The following UBE2G1 variants were observed in gnomAD, a reference collection of about 807,000 sequenced individuals.
UBE2G1 encodes the protein ubiquitin conjugating enzyme E2 G1.
In UBE2G1, 5 loss-of-function variants were observed where a neutral mutation model predicts 22.7. The observed-to-expected ratio is 0.22, with a 90% confidence interval of 0.12 to 0.46. The LOEUF is 0.46. UBE2G1 is among the 20% of genes least tolerant of loss of function. UBE2G1 has a pLI of 0.99. For missense variants in UBE2G1, 88 were observed against 203.9 expected, an observed-to-expected ratio of 0.43 and a Z score of 3.46; for synonymous variants, 74 against 67.5, an observed-to-expected ratio of 1.10 and a Z score of -0.47.
chr17:4,358,929 G>GCAACAAGAGCGAAA (rs1483501967), intron 1 of UBE2G1, among the ~76,000 whole-genome samples: 1 of 151,508 alleles, frequency 6.6e-6, no homozygotes. Flanking sequence ...TTAAGCCTGG[G>GCAACAAGAGCGAAA]CAACAAGAGC....
intron 1 of UBE2G1, among the ~76,000 whole-genome samples, chr17:4,352,611 T>G (rs1184679977): frequency 1.3e-5 from 2 of 152,170 alleles, no homozygotes; most frequent in Non-Finnish European, 2.9e-5. Context: ...GTAGTAATTT[T>G]TTAAATTATA....
At chr17:4,275,303 A>T (rs1298531881) in intron 5 of UBE2G1, among the ~76,000 whole-genome samples, 2 of 152,244 alleles carry the variant, frequency 1.3e-5, no homozygotes, top group African/African-American at 2.4e-5. Context: ...CAGAAAGATA[A>T]ATGTGAAACT....
At chr17:4,278,862 A>T (rs2143675353) in intron 5 of UBE2G1, among the ~76,000 whole-genome samples, 1 of 152,352 alleles carries the variant, frequency 6.6e-6, no homozygotes, top group East Asian at 1.9e-4. Flanking sequence ...ATCAAACATG[A>T]AAACAGGATA....
chr17:4,345,463 A>T (rs970061757), intron 1 of UBE2G1, among the ~76,000 whole-genome samples: 1 of 152,198 alleles, frequency 6.6e-6, no homozygotes, highest in African/African-American at 2.4e-5. Flanking sequence ...TTCCTGGCTT[A>T]TTTCCAGTAA....
At chr17:4,336,329 G>C (rs1390952691) in intron 1 of UBE2G1, among the ~76,000 whole-genome samples, 1 of 152,012 alleles carries the variant, frequency 6.6e-6, no homozygotes. Flanking sequence ...ATCTAAAATA[G>C]AGACTTTGAG....
At chr17:4,290,513 C>A (rs1969020877) in intron 3 of UBE2G1, among the ~76,000 whole-genome samples, 1 of 152,064 alleles carries the variant, frequency 6.6e-6, no homozygotes, top group Non-Finnish European at 1.5e-5. Context: ...ACTTTGTCAC[C>A]CAGGCTGGAG....
chr17:4,284,158 C>A lies in UBE2G1; in HGVS notation c.427-1237G>T, dbSNP rs75193290. Reference sequence around the variant, plus strand: ...AGCGACAGAGCGAGACTCCGTCTCTCAAAAAAAAAAAAAAAAGAGGGCCTG... The same window carrying A: ...AGCGACAGAGCGAGACTCCGTCTCTAAAAAAAAAAAAAAAAAGAGGGCCTG... On this transcript the variant is annotated intron_variant, in intron 4 of 5. Coordinates refer to ENST00000396981, the MANE Select transcript of UBE2G1 (RefSeq NM_003342.5). Among the ~76,000 whole-genome samples the A allele has an allele frequency of 9.0e-3, 975 of 108,420 alleles. 1 individual carries two copies. The highest frequency in any genetic ancestry group is 0.015 in the African/African-American group (326 of 22,400). The allele number at this position is 108,420 out of a possible 152,430, so 71.1% of individuals were successfully genotyped here.
At chr17:4,335,184 T>C (rs1190154317) in intron 1 of UBE2G1, 3 of 152,152 alleles carry the variant, frequency 2.0e-5, no homozygotes, top group Non-Finnish European at 4.4e-5. Flanking sequence ...AAAATATTCC[T>C]GAATCTGCAG....
chr17:4,365,577 G>A (rs947724481), intron 1 of UBE2G1, among the ~76,000 whole-genome samples: 3 of 152,034 alleles, frequency 2.0e-5, no homozygotes, highest in African/African-American at 7.2e-5. Context: ...GCCCGGAGCC[G>A]GCCAGCGAGC....
chr17:4,362,863 T>C (rs921277607), intron 1 of UBE2G1, among the ~76,000 whole-genome samples: 2 of 152,064 alleles, frequency 1.3e-5, no homozygotes, highest in Non-Finnish European at 2.9e-5. Flanking sequence ...TGGCTCACAC[T>C]TGTAATTCCA....
chr17:4,364,699 C>G (rs2143842805), intron 1 of UBE2G1, among the ~76,000 whole-genome samples: 1 of 152,176 alleles, frequency 6.6e-6, no homozygotes, highest in South Asian at 2.1e-4. Flanking sequence ...CCCGCCTCAG[C>G]CTCCTGAGTA....
At chr17:4,308,763 C>T (rs1241302430) in intron 1 of UBE2G1, among the ~76,000 whole-genome samples, 2 of 152,182 alleles carry the variant, frequency 1.3e-5, no homozygotes, top group Non-Finnish European at 1.5e-5. Flanking sequence ...GTGTAATTCT[C>T]GTATACTACC....
chr17:4,293,143 C>A (rs950730049), intron 3 of UBE2G1, among the ~76,000 whole-genome samples: 1 of 152,142 alleles, frequency 6.6e-6, no homozygotes, highest in Non-Finnish European at 1.5e-5. Flanking sequence ...CAATCCCCCC[C>A]ACCTCCCCTC....
chr17:4,332,058 C>T (rs1389389317), intron 1 of UBE2G1: 4 of 152,164 alleles, frequency 2.6e-5, no homozygotes, highest in Non-Finnish European at 5.9e-5. Flanking sequence ...TCACTGAATG[C>T]ATTGTTCACT....
At chr17:4,344,138 T>C (rs1468196955) in intron 1 of UBE2G1, among the ~76,000 whole-genome samples, 4 of 152,124 alleles carry the variant, frequency 2.6e-5, no homozygotes, top group African/African-American at 4.8e-5. Flanking sequence ...AGCAAGTTCA[T>C]AGGAGGAATA....
chr17:4,366,539 GC>G lies in UBE2G1; in HGVS notation c.-224del. The stretch of plus-strand genomic sequence containing the variant: ...CGACTCACGCCCGGAAGGGGAGGGT[GC>G]CCGGGCTGCCGCGGCGCGCACTGGG... On this transcript the variant is annotated 5_prime_UTR_variant, in exon 1 of 6. Coordinates refer to ENST00000396981, the MANE Select transcript of UBE2G1 (RefSeq NM_003342.5). 2.4e-6 allele frequency: 1 copy of G among 418,600 alleles called. No homozygotes were observed. The highest frequency in any genetic ancestry group is 2.1e-5 in the African/African-American group (1 of 47,970). The allele number at this position is 418,600 out of a possible 1,614,324, so 25.9% of individuals were successfully genotyped here.
intron 1 of UBE2G1, among the ~76,000 whole-genome samples, chr17:4,352,342 G>A (rs1567530220): frequency 6.6e-6 from 1 of 152,018 alleles, no homozygotes; most frequent in Admixed American, 6.6e-5. Flanking sequence ...CGATCCTCCT[G>A]TCTTAGTCTC....
chr17:4,302,795 AAAT>A (rs1025733573), intron 2 of UBE2G1: 54 of 183,016 alleles, frequency 3.0e-4, no homozygotes, highest in African/African-American at 6.9e-4. Context: ...ATGAGAAAAA[AAAT>A]AATGGAATGG....
At chr17:4,338,238 A>C (rs1327723355) in intron 1 of UBE2G1, among the ~76,000 whole-genome samples, 4 of 152,148 alleles carry the variant, frequency 2.6e-5, no homozygotes, top group Non-Finnish European at 5.9e-5. Flanking sequence ...CAGACAAACT[A>C]TTAGCTGGAC....
Sources: allele counts gnomAD v4.1 joint callset (sites outside exome capture counted in the v4.1 genomes callset), GRCh38; gene constraint gnomAD v4.1.1; transcripts MANE v1.5; gene names NCBI Gene and HGNC (gene_info 2026-07-23, HGNC 2026-07-21).